The following COL4A6 variants were observed in gnomAD, a reference collection of about 807,000 sequenced individuals.
The protein encoded by COL4A6 is collagen alpha-6(IV) chain.
COL4A6 carries 59 observed loss-of-function variants against 126.7 expected under a neutral mutation model. The observed-to-expected ratio is 0.47, with a 90% confidence interval of 0.38 to 0.58. The LOEUF (loss-of-function observed/expected upper bound fraction) is 0.58. Ranked by LOEUF, COL4A6 falls within the 20% of genes least tolerant of loss-of-function variation. COL4A6 has a pLI of 0.00. For synonymous variants in COL4A6, 547 were observed against 496.6 expected, an observed-to-expected ratio of 1.10 and a Z score of -1.35; for missense variants, 1,285 against 1,337.3, an observed-to-expected ratio of 0.96 and a Z score of 0.61.
chrX:108,392,396 G>A (rs2040857519), intron 2 of COL4A6, among the ~76,000 whole-genome samples: 1 of 107,629 alleles, frequency 9.3e-6, no homozygotes, highest in African/African-American at 3.4e-5. Context: ...AACAGATAAA[G>A]AACTCTCACA....
chrX:108,265,807 A>G (rs186885694), intron 3 of COL4A6, among the ~76,000 whole-genome samples: 35 of 111,264 alleles, frequency 3.1e-4, no homozygotes, highest in Non-Finnish European at 5.5e-4. Context: ...GGGCTACCAG[A>G]TCATGAAGAC....
At chrX:108,277,213 G>A (rs2037633668) in intron 3 of COL4A6, among the ~76,000 whole-genome samples, 1 of 111,906 alleles carries the variant, frequency 8.9e-6, no homozygotes, top group African/African-American at 3.3e-5. Flanking sequence ...AGCGTAAGGG[G>A]TCAGGGAGTT....
chrX:108,190,555 A>G (rs1271996683), intron 19 of COL4A6, 59 bp from the exon 20 acceptor site: 2 of 721,263 alleles, frequency 2.8e-6, no homozygotes, highest in Non-Finnish European at 4.2e-6. Flanking sequence ...GACTTCCCTG[A>G]CTCAACACAG....
intron 3 of COL4A6, among the ~76,000 whole-genome samples, chrX:108,255,358 A>G (rs1432110390): frequency 9.1e-6 from 1 of 110,220 alleles, no homozygotes; most frequent in African/African-American, 3.3e-5. Context: ...TCCACACTTT[A>G]GTAACTTTAA....
chrX:108,215,079 C>T (rs1395546446), intron 5 of COL4A6, among the ~76,000 whole-genome samples: 3 of 111,939 alleles, frequency 2.7e-5, no homozygotes, highest in Admixed American at 1.9e-4. Context: ...GATGTCCCCC[C>T]TGCCGATGCA....
intron 3 of COL4A6, among the ~76,000 whole-genome samples, chrX:108,259,043 C>T (rs1285156229): frequency 4.5e-5 from 5 of 110,983 alleles, no homozygotes; most frequent in South Asian, 3.8e-4. Flanking sequence ...AGGCATAGAC[C>T]GTAAGTAAGA....
At chrX:108,432,319 T>G (rs2064187457) in intron 2 of COL4A6, among the ~76,000 whole-genome samples, 1 of 112,726 alleles carries the variant, frequency 8.9e-6, no homozygotes, top group African/African-American at 3.2e-5. Context: ...TCTATTTTAT[T>G]ATGTAAAGTG....
chrX:108,260,615 C>T (rs191409018), intron 3 of COL4A6, among the ~76,000 whole-genome samples: 11 of 111,233 alleles, frequency 9.9e-5, no homozygotes, highest in African/African-American at 3.6e-4. Flanking sequence ...ATTGTGAGGC[C>T]TCCCAGTCAC....
chrX:108,191,397 T>C lies in COL4A6; in HGVS notation c.1317A>G (p.Pro439=), dbSNP rs1232840746. The change falls in exon 19 of 45, where the codon CCA becomes CCG. Residue 439 remains proline (P), a synonymous_variant. Transcript: ENST00000334504. Reference sequence around the variant, plus strand: ...AAAGAGAAATGAGTAACTTACTAGGTGGGCCTGGTGGACCTGGTGGGCCTG... The same window carrying C: ...AAAGAGAAATGAGTAACTTACTAGGCGGGCCTGGTGGACCTGGTGGGCCTG... ...GLPGPPGPPG[P]PSPEFETETL... 1.7e-6 allele frequency: 2 copies of C among 1,209,577 alleles called. No individual in the cohort carries two copies. The highest frequency in any genetic ancestry group is 2.2e-6 in the Non-Finnish European group (2 of 894,581).
chrX:108,187,292 T>C lies in COL4A6; in HGVS notation c.1768-13A>G. The C allele has an allele frequency of 2.7e-6, 3 of 1,096,870 alleles. No individual in the cohort carries two copies. Among genetic ancestry groups the C allele is most frequent in the Non-Finnish European group, 3.6e-6 (3 of 830,449 alleles). The allele number at this position is 1,096,870 out of a possible 1,213,427, so 90.4% of individuals were successfully genotyped here. A position where few individuals can be genotyped will look rare whatever the true frequency, so the allele number is the denominator to read the frequency against. ...GTCCACCATCACCCTAGACAACATATAAAACAAAGAATGAAAATTCAACTC... is the reference window on the plus strand; with the variant it reads ...GTCCACCATCACCCTAGACAACATACAAAACAAAGAATGAAAATTCAACTC... On this transcript the variant is annotated splice_polypyrimidine_tract_variant and intron_variant, in intron 22 of 44. Transcript: ENST00000334504.
chrX:108,267,520 A>G (rs1569394052), intron 3 of COL4A6: 1 of 112,792 alleles, frequency 8.9e-6, no homozygotes, highest in Non-Finnish European at 1.9e-5. Flanking sequence ...AGTACTTAAC[A>G]TAGAACATTG....
chrX:108,244,803 C>T (rs748019902), intron 3 of COL4A6, among the ~76,000 whole-genome samples: 18 of 111,690 alleles, frequency 1.6e-4, no homozygotes, highest in Non-Finnish European at 2.6e-4. Flanking sequence ...TTCACTCTTT[C>T]GCTTGTTAGC....
At chrX:108,370,271 T>C (rs1043269380) in intron 2 of COL4A6, among the ~76,000 whole-genome samples, 3 of 112,107 alleles carry the variant, frequency 2.7e-5, no homozygotes, top group Non-Finnish European at 5.6e-5. Flanking sequence ...GGGGTGATCA[T>C]CTTCACAGAG....
intron 5 of COL4A6, 65 bp from the exon 6 acceptor site, chrX:108,214,293 A>C: frequency 1.2e-6 from 1 of 809,573 alleles, no homozygotes. Context: ...AAATGGCTCC[A>C]CAGCGAGAAA....
chrX:108,195,409 C>T (rs1477154144), intron 14 of COL4A6, among the ~76,000 whole-genome samples: 2 of 111,225 alleles, frequency 1.8e-5, no homozygotes, highest in East Asian at 5.6e-4. Flanking sequence ...GTAGCTGGGG[C>T]TATAGGCGTG....
chrX:108,368,990 A>G (rs1160904281), intron 2 of COL4A6, among the ~76,000 whole-genome samples: 1 of 112,144 alleles, frequency 8.9e-6, no homozygotes, highest in Admixed American at 9.5e-5. Context: ...TTTCAGAAGT[A>G]GATGGAGTAC....
intron 29 of COL4A6, 47 bp from the exon 30 acceptor site, chrX:108,175,262 T>C: frequency 8.9e-7 from 1 of 1,122,490 alleles, no homozygotes; most frequent in Non-Finnish European, 1.2e-6. Flanking sequence ...AGACGCAGGG[T>C]CAGGCAAAGG....
chrX:108,250,421 G>A (rs779897195), intron 3 of COL4A6, among the ~76,000 whole-genome samples: 1 of 111,020 alleles, frequency 9.0e-6, no homozygotes, highest in Admixed American at 9.5e-5. Flanking sequence ...CTTGGCCAAA[G>A]TCTATGAAAT....
chrX:108,211,666 T>C lies in COL4A6; in HGVS notation c.510+6A>G. On this transcript the variant is annotated splice_donor_region_variant and intron_variant, in intron 7 of 44. Coordinates refer to ENST00000334504, the MANE Select transcript of COL4A6 (RefSeq NM_033641.4). ...CTACTCAGCTATCTGACTTACAGGT[T>C]CTTACCTTCATTCCTTTGAAACTAC... is the stretch of plus-strand genomic sequence containing the variant. 1 of 1,209,993 alleles carries C rather than the reference T, an allele frequency of 8.3e-7. No homozygotes were observed. The highest frequency in any genetic ancestry group is 2.3e-4 in the Middle Eastern group (1 of 4,257).
Sources: allele counts gnomAD v4.1 joint callset (sites outside exome capture counted in the v4.1 genomes callset), GRCh38; gene constraint gnomAD v4.1.1; transcripts MANE v1.5; gene names NCBI Gene and HGNC (gene_info 2026-07-23, HGNC 2026-07-21).